Variants in PCLO observed in about 807,000 individuals in gnomAD.
PCLO encodes piccolo presynaptic cytomatrix protein.
PCLO carries 82 observed loss-of-function variants against 427.5 expected under a neutral mutation model. The ratio of observed to expected loss-of-function variants is 0.19; its 90% CI spans 0.16 to 0.23. The LOEUF (loss-of-function observed/expected upper bound fraction) is 0.23, where lower values mean the gene tolerates loss of function less well. PCLO is among the 10% of genes least tolerant of loss of function. The probability of loss-of-function intolerance (pLI) is 1.00; values close to 1 mark genes in which losing one functional copy is unlikely to be tolerated. For synonymous variants in PCLO, 2,357 were observed against 2,155.4 expected, an observed-to-expected ratio of 1.09 and a Z score of -2.59; for missense variants, 6,239 against 6,115.9, an observed-to-expected ratio of 1.02 and a Z score of -0.67.
chr7:83,009,332 G>T (rs1036392769), intron 3 of PCLO, among the ~76,000 whole-genome samples: 1 of 151,766 alleles, frequency 6.6e-6, no homozygotes, highest in African/African-American at 2.4e-5. Context: ...TTTTGATACT[G>T]TGAAATTAAC....
At chr7:83,029,973 A>T in intron 3 of PCLO, among the ~76,000 whole-genome samples, 1 of 82,678 alleles carries the variant, frequency 1.2e-5, no homozygotes, top group East Asian at 4.0e-4. Context: ...GGGTGGGGGG[A>T]GGGGGGAGGG....
At chr7:83,069,872 G>A (rs1218129701) in intron 3 of PCLO, among the ~76,000 whole-genome samples, 5 of 136,552 alleles carry the variant, frequency 3.7e-5, no homozygotes, top group Non-Finnish European at 7.6e-5. Context: ...AAGAACCCAT[G>A]AGGGAGGAGG....
At chr7:83,096,187 C>A (rs191740541) in intron 3 of PCLO, among the ~76,000 whole-genome samples, 2 of 152,072 alleles carry the variant, frequency 1.3e-5, no homozygotes, top group African/African-American at 4.8e-5. Flanking sequence ...GTTCTTCACA[C>A]TACTGCTTTT....
chr7:82,824,140 A>G, intron 19 of PCLO, 96 bp downstream of exon 19: 1 of 801,952 alleles, frequency 1.2e-6, no homozygotes, highest in Non-Finnish European at 1.9e-6. Flanking sequence ...TGTCTAATCT[A>G]TTAATATAGG....
chr7:82,991,333 C>T (rs1367509630), intron 3 of PCLO, among the ~76,000 whole-genome samples: 3 of 151,898 alleles, frequency 2.0e-5, no homozygotes, highest in Non-Finnish European at 2.9e-5. Context: ...GCACTCCAGC[C>T]TAGGTGACAG....
chr7:83,131,648 T>C (rs1165060301), intron 3 of PCLO, among the ~76,000 whole-genome samples: 1 of 152,134 alleles, frequency 6.6e-6, no homozygotes, highest in Non-Finnish European at 1.5e-5. Flanking sequence ...TACCATTTAT[T>C]TGGACTTCAG....
intron 3 of PCLO, among the ~76,000 whole-genome samples, chr7:82,987,564 A>G (rs10256940): frequency 0.75 from 114,267 of 151,924 alleles, 43,535 homozygotes; most frequent in East Asian, 0.92. Flanking sequence ...TTTGGCATCA[A>G]GCAGTAGACT....
chr7:82,924,556 A>G (rs1274456107), intron 6 of PCLO, among the ~76,000 whole-genome samples: 1 of 152,128 alleles, frequency 6.6e-6, no homozygotes, highest in Non-Finnish European at 1.5e-5. Context: ...TAATTATGGA[A>G]AAGTTTGAGT....
intron 3 of PCLO, among the ~76,000 whole-genome samples, chr7:82,985,996 A>T (rs1446558095): frequency 1.3e-5 from 2 of 151,862 alleles, no homozygotes; most frequent in African/African-American, 2.4e-5. Flanking sequence ...GTTGAATCAA[A>T]TTTTTTCTTA....
At chr7:83,134,218 A>AATATATATATATATATAT (rs61658777) in intron 3 of PCLO, 32 bp downstream of exon 3, 27 of 430,218 alleles carry the variant, frequency 6.3e-5, no homozygotes, top group African/African-American at 4.4e-4. Context: ...CTCCATATGT[A>AATATATATATATATATAT]ATATATATAT....
At chr7:83,096,894 T>A in intron 3 of PCLO, among the ~76,000 whole-genome samples, 1 of 56,956 alleles carries the variant, frequency 1.8e-5, no homozygotes, top group Non-Finnish European at 2.8e-5. Context: ...TTATATAATA[T>A]ATTAATATTA....
At chr7:83,146,024 T>C (rs1178653917) in intron 2 of PCLO, among the ~76,000 whole-genome samples, 2 of 152,326 alleles carry the variant, frequency 1.3e-5, no homozygotes, top group East Asian at 3.9e-4. Flanking sequence ...ATCTTTAAAA[T>C]GTAGATACCA....
intron 1 of PCLO, among the ~76,000 whole-genome samples, chr7:83,161,773 C>T (rs1212809212): frequency 6.6e-6 from 1 of 152,186 alleles, no homozygotes; most frequent in African/African-American, 2.4e-5. Flanking sequence ...TAATGCCACA[C>T]ATATTTTAGG....
chr7:82,914,084 TGAGA>T (rs1332937804), intron 7 of PCLO, among the ~76,000 whole-genome samples: 1 of 152,006 alleles, frequency 6.6e-6, no homozygotes, highest in South Asian at 2.1e-4. Flanking sequence ...GTATTCATAA[TGAGA>T]GAGAAAGATA....
intron 5 of PCLO, among the ~76,000 whole-genome samples, 164 bp from the exon 6 acceptor site, chr7:82,951,654 A>G (rs1279372646): frequency 1.4e-5 from 2 of 146,824 alleles, no homozygotes; most frequent in Non-Finnish European, 2.9e-5. Flanking sequence ...ATGCAGGCGC[A>G]TGCAGTGATT....
chr7:83,047,479 T>C (rs954238713), intron 3 of PCLO, among the ~76,000 whole-genome samples: 1 of 152,086 alleles, frequency 6.6e-6, no homozygotes, highest in Non-Finnish European at 1.5e-5. Context: ...GGAGATATTT[T>C]ACATTATCAT....
intron 3 of PCLO, among the ~76,000 whole-genome samples, chr7:83,132,967 T>C (rs1431522295): frequency 6.6e-6 from 1 of 152,028 alleles, no homozygotes; most frequent in Non-Finnish European, 1.5e-5. Context: ...ATGACAGTTG[T>C]TACCACTCAT....
intron 3 of PCLO, among the ~76,000 whole-genome samples, chr7:83,010,704 T>G (rs1252019542): frequency 6.6e-6 from 1 of 151,820 alleles, no homozygotes; most frequent in East Asian, 1.9e-4. Flanking sequence ...ATCTGAAGCA[T>G]AAATCATCCA....
intron 3 of PCLO, among the ~76,000 whole-genome samples, chr7:83,011,719 C>T (rs570544933): frequency 2.6e-5 from 4 of 152,162 alleles, no homozygotes; most frequent in African/African-American, 9.6e-5. Flanking sequence ...GACTAAATTT[C>T]ATCTTGCTTT....
Sources: allele counts gnomAD v4.1 joint callset (sites outside exome capture counted in the v4.1 genomes callset), GRCh38; gene constraint gnomAD v4.1.1; transcripts MANE v1.5; gene names NCBI Gene and HGNC (gene_info 2026-07-23, HGNC 2026-07-21).